Variants in NEGR1 observed in about 807,000 individuals in gnomAD.
The protein encoded by NEGR1 is IgLON family member 4.
A neutral mutation model predicts 40.9 loss-of-function variants in NEGR1; 10 were observed. That is an observed-to-expected ratio of 0.24 (90% confidence interval 0.15 to 0.42). The LOEUF (loss-of-function observed/expected upper bound fraction) is 0.42, where lower values mean the gene tolerates loss of function less well. Ranked by LOEUF, NEGR1 falls within the 10% of genes least tolerant of loss-of-function variation. The probability of loss-of-function intolerance (pLI) is 1.00; values close to 1 mark genes in which losing one functional copy is unlikely to be tolerated. For synonymous variants in NEGR1, 185 were observed against 166.8 expected, an observed-to-expected ratio of 1.11 and a Z score of -0.84; for missense variants, 352 against 438.9, an observed-to-expected ratio of 0.80 and a Z score of 1.77.
At chr1:72,225,862 C>T (rs1197545068) in intron 1 of NEGR1, among the ~76,000 whole-genome samples, 9 of 151,662 alleles carry the variant, frequency 5.9e-5, no homozygotes, top group Non-Finnish European at 1.3e-4. Flanking sequence ...TGGTACAAAT[C>T]TGTCACTTTT....
chr1:71,758,653 T>C (rs1190139877), intron 3 of NEGR1, among the ~76,000 whole-genome samples: 1 of 152,080 alleles, frequency 6.6e-6, no homozygotes, highest in African/African-American at 2.4e-5. Context: ...TCATTTTGAG[T>C]GAAGAAAAAA....
chr1:71,535,662 C>T (rs1176145622), intron 6 of NEGR1, among the ~76,000 whole-genome samples: 1 of 151,436 alleles, frequency 6.6e-6, no homozygotes, highest in Non-Finnish European at 1.5e-5. Flanking sequence ...GCACACAGGG[C>T]TAGATGAGGA....
chr1:71,787,171 C>T (rs1305610553), intron 2 of NEGR1, among the ~76,000 whole-genome samples: 2 of 152,194 alleles, frequency 1.3e-5, no homozygotes, highest in East Asian at 3.9e-4. Flanking sequence ...TTGTTAAAAG[C>T]AACCACGTTT....
chr1:72,159,866 AAAAC>A (rs1426396850), intron 1 of NEGR1, among the ~76,000 whole-genome samples: 10 of 152,160 alleles, frequency 6.6e-5, no homozygotes, highest in African/African-American at 2.4e-4. Context: ...CTTTTAAATA[AAAAC>A]AAACACACAA....
At chr1:71,503,054 G>T (rs1647009537) in intron 6 of NEGR1, among the ~76,000 whole-genome samples, 1 of 152,178 alleles carries the variant, frequency 6.6e-6, no homozygotes, top group Non-Finnish European at 1.5e-5. Flanking sequence ...GACTCTCTCT[G>T]ACATTCCCCT....
chr1:71,918,216 CAAAAAAAAAAAAAAAAAAAAAAAAA>C (rs1159908343), intron 2 of NEGR1, among the ~76,000 whole-genome samples: 3 of 24,744 alleles, frequency 1.2e-4, no homozygotes, highest in Non-Finnish European at 2.1e-4. Flanking sequence ...GACTCTGTCT[CAAAAAAAAAAAAAAAAAAAAAAAAA>C]AAAAAAAAAA....
At chr1:71,447,957 G>T (rs1646594142) in intron 6 of NEGR1, among the ~76,000 whole-genome samples, 1 of 152,150 alleles carries the variant, frequency 6.6e-6, no homozygotes, top group South Asian at 2.1e-4. Context: ...ACATACATTT[G>T]TTCTGGGGAC....
intron 1 of NEGR1, among the ~76,000 whole-genome samples, chr1:72,178,072 T>C (rs1364401240): frequency 1.3e-5 from 2 of 152,064 alleles, no homozygotes; most frequent in Admixed American, 1.3e-4. Context: ...CTACAAAGAA[T>C]TCATTTTAAA....
At chr1:71,614,313 C>T (rs1314170473) in intron 4 of NEGR1, among the ~76,000 whole-genome samples, 1 of 151,520 alleles carries the variant, frequency 6.6e-6, no homozygotes, top group African/African-American at 2.4e-5. Flanking sequence ...TACATATATA[C>T]CCTTATATAT....
chr1:71,737,921 G>A (rs1470426187), intron 3 of NEGR1, among the ~76,000 whole-genome samples: 1 of 152,072 alleles, frequency 6.6e-6, no homozygotes, highest in Non-Finnish European at 1.5e-5. Context: ...AATTACAGTC[G>A]GTTTAGGCAA....
intron 6 of NEGR1, among the ~76,000 whole-genome samples, chr1:71,424,656 A>G (rs1380460138): frequency 6.6e-6 from 1 of 152,136 alleles, no homozygotes; most frequent in African/African-American, 2.4e-5. Flanking sequence ...GAGATTAAAA[A>G]CCCAGAGAGG....
chr1:71,592,898 C>T lies in NEGR1; in HGVS notation c.859G>A (p.Val287Met), dbSNP rs764694065. The T allele has an allele frequency of 8.7e-6, 14 of 1,612,110 alleles. No individual in the cohort carries two copies. The highest frequency in any genetic ancestry group is 5.0e-5 in the Admixed American group (3 of 59,972). Residue 287 changes from valine (V) to methionine (M), a missense_variant, in exon 6 of 7, where the codon GTG becomes ATG. Transcript: ENST00000357731. ...TAATTGCCGAAGTGCTCCTGTGTCA[C>T]GTTGGTAACAGTGAGAATGGATCTT... ...STRSILTVTN[V>M]TQEHFGNYTC...
chr1:71,617,032 T>C (rs902840347), intron 4 of NEGR1, among the ~76,000 whole-genome samples: 3 of 152,176 alleles, frequency 2.0e-5, no homozygotes, highest in African/African-American at 7.2e-5. Context: ...GCACCTTGCA[T>C]TAAAAGACAA....
At chr1:71,651,698 C>T (rs1316448904) in intron 4 of NEGR1, among the ~76,000 whole-genome samples, 1 of 152,042 alleles carries the variant, frequency 6.6e-6, no homozygotes, top group Admixed American at 6.6e-5. Context: ...ATGTTGAACT[C>T]ACTTATGAAT....
intron 6 of NEGR1, among the ~76,000 whole-genome samples, chr1:71,535,315 C>T (rs1001589067): frequency 2.6e-5 from 4 of 151,580 alleles, no homozygotes; most frequent in Admixed American, 6.6e-5. Context: ...TTGAAAAAGA[C>T]GGGTGGCATA....
rs56382019 is a variant in NEGR1 at position 71,730,569 on chromosome 1, T to TTATATATATATATATATA, written c.536-32448_536-32431dup. Among the ~76,000 whole-genome samples the TTATATATATATATATATA allele has an allele frequency of 9.0e-4, 121 of 134,692 alleles. 1 individual carries two copies. Among genetic ancestry groups the TTATATATATATATATATA allele is most frequent in the Non-Finnish European group, 1.2e-3 (76 of 63,636 alleles). 88.4% of individuals were successfully genotyped at this position (134,692 alleles called of 152,430 possible). Reference sequence around the variant, plus strand: ...TTATATGTGTATATATAGTATAAATTTATATATATATATATATATATATAA... The same window carrying TTATATATATATATATATA: ...TTATATGTGTATATATAGTATAAATTTATATATATATATATATATATATATATATATATATATATATAA... On this transcript the variant is annotated intron_variant, in intron 3 of 6. Coordinates refer to ENST00000357731, the MANE Select transcript of NEGR1 (RefSeq NM_173808.3).
chr1:71,730,911 T>C (rs1654841360), intron 3 of NEGR1, among the ~76,000 whole-genome samples: 1 of 150,850 alleles, frequency 6.6e-6, no homozygotes. Context: ...TGTGTGTGTG[T>C]GTGTGTGTGT....
chr1:71,622,469 A>G (rs182911132), intron 4 of NEGR1, among the ~76,000 whole-genome samples: 11 of 152,088 alleles, frequency 7.2e-5, no homozygotes, highest in Admixed American at 3.3e-4. Flanking sequence ...TTTTTAGTGA[A>G]TCTTCAAAAA....
At position 71,726,869 on chromosome 1, in the gene NEGR1, GA is replaced by G. The variant is rs369569929; in HGVS notation, c.536-28731del. On this transcript the variant is annotated intron_variant, in intron 3 of 6. Transcript: ENST00000357731. ...CCAATACATACTGAATTCCACAGAA[GA>G]AAAAAAAATGCTACGCATGTAAAAA... Among the ~76,000 whole-genome samples the G allele has an allele frequency of 5.8e-3, 869 of 150,346 alleles. 10 individuals are homozygous for G. Among genetic ancestry groups the G allele is most frequent in the African/African-American group, 0.02 (826 of 41,060 alleles).
Sources: allele counts gnomAD v4.1 joint callset (sites outside exome capture counted in the v4.1 genomes callset), GRCh38; gene constraint gnomAD v4.1.1; transcripts MANE v1.5; gene names NCBI Gene and HGNC (gene_info 2026-07-23, HGNC 2026-07-21).